The following CHRNA7 variants were observed in gnomAD, a reference collection of about 807,000 sequenced individuals.
CHRNA7 encodes neuronal acetylcholine receptor subunit alpha-7.
Under a neutral mutation model 48.0 loss-of-function variants are expected in CHRNA7, and 17 were observed. The observed-to-expected ratio is 0.35, with a 90% confidence interval of 0.24 to 0.53. The LOEUF (loss-of-function observed/expected upper bound fraction) is 0.53, where lower values mean the gene tolerates loss of function less well. CHRNA7 is among the 20% of genes least tolerant of loss of function. CHRNA7 has a pLI of 0.92. For missense variants in CHRNA7, 155 were observed against 577.7 expected (o/e 0.27, Z 7.50); for synonymous variants, 75 against 242.3 (o/e 0.31, Z 6.41).
intron 2 of CHRNA7, among the ~76,000 whole-genome samples, chr15:32,093,675 T>A (rs2050419357): frequency 6.6e-6 from 1 of 152,160 alleles, no homozygotes; most frequent in African/African-American, 2.4e-5. Flanking sequence ...TGGCATTTAT[T>A]CTCCCTAAAG....
At chr15:32,030,483 T>G, upstream of CHRNA7, 2 of 1,054,662 alleles carry the variant, frequency 1.9e-6, no homozygotes, top group Non-Finnish European at 2.4e-6. Flanking sequence ...CGCGCCCGGC[T>G]CCTTAAAGGC....
At chr15:32,084,807 C>G (rs2050268939) in intron 2 of CHRNA7, among the ~76,000 whole-genome samples, 1 of 150,064 alleles carries the variant, frequency 6.7e-6, no homozygotes, top group African/African-American at 2.4e-5. Flanking sequence ...GCACTCATAC[C>G]TATGCTCATC....
At chr15:32,103,973 T>A (rs929139019) in intron 3 of CHRNA7, among the ~76,000 whole-genome samples, 1 of 152,140 alleles carries the variant, frequency 6.6e-6, no homozygotes, top group East Asian at 1.9e-4. Context: ...CTGGTCTACA[T>A]GGGTGTCATC....
chr15:32,119,983 C>T (rs1182699628), intron 4 of CHRNA7, among the ~76,000 whole-genome samples: 1 of 152,228 alleles, frequency 6.6e-6, no homozygotes, highest in Non-Finnish European at 1.5e-5. Flanking sequence ...TGCGTTCAGC[C>T]TACTTGCCCG....
chr15:32,053,842 T>A (rs915139620), intron 2 of CHRNA7, among the ~76,000 whole-genome samples: 19 of 152,230 alleles, frequency 1.2e-4, no homozygotes, highest in African/African-American at 4.6e-4. Context: ...TGTGGCTGAC[T>A]ACTGGCTCTG....
intron 2 of CHRNA7, among the ~76,000 whole-genome samples, chr15:32,074,734 A>G (rs1595416494): frequency 1.3e-5 from 2 of 151,638 alleles, no homozygotes; most frequent in South Asian, 4.2e-4. Context: ...GGCTCACTGC[A>G]ACCTCCGCCT....
chr15:32,147,893 G>C (rs1391537046), intron 4 of CHRNA7, among the ~76,000 whole-genome samples: 1 of 152,196 alleles, frequency 6.6e-6, no homozygotes, highest in Non-Finnish European at 1.5e-5. Flanking sequence ...TGCAATCTGG[G>C]CATTGCTTCC....
chr15:32,047,544 T>G (rs977143741), intron 2 of CHRNA7, among the ~76,000 whole-genome samples: 2 of 152,230 alleles, frequency 1.3e-5, no homozygotes, highest in African/African-American at 2.4e-5. Context: ...TTTGCTGAAG[T>G]TGCTTATCAG....
chr15:32,096,816 C>T (rs542663725), intron 2 of CHRNA7, among the ~76,000 whole-genome samples: 11 of 152,142 alleles, frequency 7.2e-5, no homozygotes, highest in Non-Finnish European at 1.5e-4. Context: ...TTAAAAAGCA[C>T]GATCACTTAA....
chr15:32,046,827 A>G (rs1186327315), intron 2 of CHRNA7, among the ~76,000 whole-genome samples: 2 of 151,880 alleles, frequency 1.3e-5, no homozygotes, highest in Non-Finnish European at 2.9e-5. Flanking sequence ...TCTTTAATCC[A>G]TCTTGAATTA....
chr15:32,035,083 A>C (rs919304153), intron 2 of CHRNA7, among the ~76,000 whole-genome samples: 12 of 152,262 alleles, frequency 7.9e-5, no homozygotes, highest in African/African-American at 2.9e-4. Flanking sequence ...ATACATCAAT[A>C]AATTTGCTAA....
At chr15:32,112,274 A>T (rs2050774886) in intron 4 of CHRNA7, 1 of 463,556 alleles carries the variant, frequency 2.2e-6, no homozygotes, top group African/African-American at 2.0e-5. Flanking sequence ...GGCCTATGGG[A>T]TGCACTGCTG....
Position 32,170,183 on chromosome 15 carries a change from A to G in CHRNA7, c.*1725A>G, listed in dbSNP as rs1485362639. ...ATAAATTGTATGTGCTTTTCCAGCC[A>G]TCTGGCTCACTCATTTCTGGGTAAT... On this transcript the variant is annotated 3_prime_UTR_variant, in exon 10 of 10. Transcript: ENST00000306901. 1 of 107,448 alleles carries G rather than the reference A, an allele frequency of 9.3e-6. No individual in the cohort carries two copies. Among genetic ancestry groups the G allele is most frequent in the Non-Finnish European group, 1.8e-5 (1 of 54,162 alleles). The allele number at this position is 107,448 out of a possible 1,614,324, so 6.7% of individuals were successfully genotyped here.
At chr15:32,073,355 A>G (rs1030766415) in intron 2 of CHRNA7, among the ~76,000 whole-genome samples, 4 of 152,184 alleles carry the variant, frequency 2.6e-5, no homozygotes, top group African/African-American at 7.2e-5. Flanking sequence ...CTGTACCACC[A>G]TTGTTTCTTG....
chr15:32,033,890 G>T (rs994525817), intron 2 of CHRNA7, among the ~76,000 whole-genome samples: 1 of 152,164 alleles, frequency 6.6e-6, no homozygotes, highest in Non-Finnish European at 1.5e-5. Flanking sequence ...TGGAGTGATA[G>T]GAAGACACCA....
chr15:32,101,482 C>G lies in CHRNA7; in HGVS notation c.240+135C>G. On this transcript the variant is annotated intron_variant, in intron 3 of 9. Coordinates refer to ENST00000306901, the MANE Select transcript of CHRNA7 (RefSeq NM_000746.6). ...AAACCAAAAAAACAAAAGGCCATGG[C>G]TGTCACACCAACTCCACACCTGCCA... 3 of 881,228 alleles carry G rather than the reference C, an allele frequency of 3.4e-6. No homozygotes were observed. In the South Asian group the frequency reaches 5.4e-5, roughly 16 times the overall value. The allele number at this position is 881,228 out of a possible 1,614,324, so 54.6% of individuals were successfully genotyped here.
At chr15:32,114,238 A>G (rs912372839) in intron 4 of CHRNA7, among the ~76,000 whole-genome samples, 6 of 151,830 alleles carry the variant, frequency 4.0e-5, no homozygotes, top group Admixed American at 1.3e-4. Flanking sequence ...TATATGGCCT[A>G]TGTGTAGGAT....
At chr15:32,086,367 CAAAAAAAAAAAA>C (rs150673202) in intron 2 of CHRNA7, among the ~76,000 whole-genome samples, 1 of 74,058 alleles carries the variant, frequency 1.4e-5, no homozygotes, top group Non-Finnish European at 2.8e-5. Context: ...GACTCCATCT[CAAAAAAAAAAAA>C]AAAAAAAAAA....
At chr15:32,053,341 T>C (rs2049726357) in intron 2 of CHRNA7, among the ~76,000 whole-genome samples, 1 of 152,232 alleles carries the variant, frequency 6.6e-6, no homozygotes, top group South Asian at 2.1e-4. Context: ...CGAAAATCTC[T>C]GCTGCCTTAT....
Sources: allele counts gnomAD v4.1 joint callset (sites outside exome capture counted in the v4.1 genomes callset), GRCh38; gene constraint gnomAD v4.1.1; transcripts MANE v1.5; gene names NCBI Gene and HGNC (gene_info 2026-07-23, HGNC 2026-07-21).